NXN: variants seen among roughly 807,000 people sequenced by gnomAD.
NXN encodes the protein nucleoredoxin, also known as nucleoredoxin 1.
In NXN, 16 loss-of-function variants were observed where a neutral mutation model predicts 48.6. The ratio of observed to expected loss-of-function variants is 0.33; its 90% CI spans 0.22 to 0.50. The LOEUF (loss-of-function observed/expected upper bound fraction) is 0.50. Among genes scored for constraint, NXN ranks in the 20% least tolerant of loss-of-function variants. The pLI is 0.98. For missense variants in NXN, 492 were observed against 605.5 expected (o/e 0.81, Z 1.97); for synonymous variants, 281 against 269.6 (o/e 1.04, Z -0.41).
At chr17:816,924 G>A (rs1198438399) in intron 5 of NXN, among the ~76,000 whole-genome samples, 1 of 152,160 alleles carries the variant, frequency 6.6e-6, no homozygotes, top group South Asian at 2.1e-4. Flanking sequence ...GGCACCTTAA[G>A]TGTCTCTGCA....
intron 1 of NXN, among the ~76,000 whole-genome samples, chr17:876,202 AAG>A (rs1459825985): frequency 2.0e-5 from 3 of 151,600 alleles, no homozygotes; most frequent in Non-Finnish European, 4.4e-5. Flanking sequence ...AAAAAAAGAA[AAG>A]AAAGAAAAGA....
chr17:897,203 C>G (rs4125451), intron 1 of NXN, among the ~76,000 whole-genome samples: 29,215 of 152,142 alleles, frequency 0.19, 3,018 homozygotes, highest in Middle Eastern at 0.35. Flanking sequence ...AATGCTCTGT[C>G]CTGGGAAAGG....
intron 1 of NXN, among the ~76,000 whole-genome samples, chr17:957,300 C>A (rs925669373): frequency 6.6e-6 from 1 of 151,390 alleles, no homozygotes; most frequent in African/African-American, 2.4e-5. Context: ...AGCCAGGAAC[C>A]CCCCGGGATC....
chr17:940,010 T>A (rs931863045), intron 1 of NXN, among the ~76,000 whole-genome samples: 7 of 151,924 alleles, frequency 4.6e-5, no homozygotes. Context: ...CATGGCTCAC[T>A]GTAGCCTCAA....
At chr17:879,606 C>T (rs16956546) in intron 1 of NXN, among the ~76,000 whole-genome samples, 1,560 of 151,946 alleles carry the variant, frequency 0.01, 17 homozygotes, top group East Asian at 0.049. Context: ...GTTTTAAACC[C>T]GTGGAGCTAA....
In NXN at chr17:820,971, C is replaced by T. The variant is rs1419467585; in HGVS notation, c.713+1386G>A. On this transcript the variant is annotated intron_variant, in intron 4 of 7. Coordinates refer to ENST00000336868, the MANE Select transcript of NXN (RefSeq NM_022463.5). ...AAAAAACTGACTGCTGCACCTGGCA[C>T]GGCTTCACGCTGAGACGGGAGCTGT... is the stretch of plus-strand genomic sequence containing the variant. 2.8e-5 allele frequency among the ~76,000 whole-genome samples: 2 copies of T among 72,484 alleles called. 1 individual carries two copies. The highest frequency in any genetic ancestry group is 1.7e-4 in the African/African-American group (2 of 11,960). The allele number at this position is 72,484 out of a possible 152,430, so 47.6% of individuals were successfully genotyped here. A position where few individuals can be genotyped will look rare whatever the true frequency, so the allele number is the denominator to read the frequency against.
intron 1 of NXN, chr17:959,043 G>A (rs529008102): frequency 7.9e-5 from 21 of 266,594 alleles, no homozygotes; most frequent in South Asian, 2.2e-4. Context: ...CATGGTGGCC[G>A]CGGTGTGGTC....
At chr17:866,138 C>T (rs1262030893) in intron 1 of NXN, among the ~76,000 whole-genome samples, 2 of 151,898 alleles carry the variant, frequency 1.3e-5, no homozygotes, top group African/African-American at 4.8e-5. Context: ...GTTATTGCAA[C>T]AATTAAAGCA....
At chr17:913,395 C>G (rs2068655250) in intron 1 of NXN, among the ~76,000 whole-genome samples, 1 of 152,154 alleles carries the variant, frequency 6.6e-6, no homozygotes, top group South Asian at 2.1e-4. Flanking sequence ...GTCTGGGAAC[C>G]CTTTTTGCCT....
chr17:858,825 C>T (rs2068013530), intron 1 of NXN, among the ~76,000 whole-genome samples: 1 of 152,192 alleles, frequency 6.6e-6, no homozygotes, highest in Admixed American at 6.5e-5. Context: ...CAGCTATGAC[C>T]AGAGGAAACT....
At chr17:848,704 G>C (rs1405167464) in intron 1 of NXN, among the ~76,000 whole-genome samples, 1 of 152,206 alleles carries the variant, frequency 6.6e-6, no homozygotes, top group African/African-American at 2.4e-5. Flanking sequence ...CTCCTACTGA[G>C]AGACACAGGC....
intron 1 of NXN, among the ~76,000 whole-genome samples, chr17:950,242 C>G (rs1255453044): frequency 1.3e-5 from 2 of 152,104 alleles, no homozygotes; most frequent in Non-Finnish European, 2.9e-5. Flanking sequence ...GCCCCTTTCC[C>G]CTCCAGGCAG....
intron 1 of NXN, among the ~76,000 whole-genome samples, chr17:851,904 A>G (rs73975572): frequency 0.082 from 12,539 of 152,296 alleles, 753 homozygotes; most frequent in African/African-American, 0.17. Flanking sequence ...AAGGGAGATT[A>G]GCAAGTTTTC....
chr17:842,480 G>GA, intron 1 of NXN: 1 of 983,800 alleles, frequency 1.0e-6, no homozygotes, highest in South Asian at 4.7e-5. Context: ...GGTTACTGGG[G>GA]AGGATGAAGG....
At chr17:884,705 T>C (rs1448358672) in intron 1 of NXN, among the ~76,000 whole-genome samples, 1 of 152,124 alleles carries the variant, frequency 6.6e-6, no homozygotes, top group Non-Finnish European at 1.5e-5. Context: ...AGCAGGGAAG[T>C]GGAGTCTTGA....
At chr17:886,690 A>C (rs1371333899) in intron 1 of NXN, among the ~76,000 whole-genome samples, 1 of 152,000 alleles carries the variant, frequency 6.6e-6, no homozygotes, top group African/African-American at 2.4e-5. Flanking sequence ...AGGCAGGAGA[A>C]TCACTTCAAC....
intron 1 of NXN, among the ~76,000 whole-genome samples, chr17:869,260 C>T (rs1044440665): frequency 6.6e-6 from 1 of 152,144 alleles, no homozygotes; most frequent in East Asian, 1.9e-4. Flanking sequence ...AAGGCCAGAA[C>T]GAAAGGCCAG....
At chr17:972,065 C>G (rs1390159943) in intron 1 of NXN, among the ~76,000 whole-genome samples, 1 of 152,190 alleles carries the variant, frequency 6.6e-6, no homozygotes, top group Non-Finnish European at 1.5e-5. Flanking sequence ...CTTTGGGAGG[C>G]CAAGGCAGGC....
chr17:822,589 A>T (rs1440020210), intron 3 of NXN, 132 bp from the exon 4 acceptor site: 1 of 639,032 alleles, frequency 1.6e-6, no homozygotes, highest in Non-Finnish European at 2.8e-6. Flanking sequence ...AAAGGGGTGG[A>T]AATGAGATGG....
Sources: allele counts gnomAD v4.1 joint callset (sites outside exome capture counted in the v4.1 genomes callset), GRCh38; gene constraint gnomAD v4.1.1; transcripts MANE v1.5; gene names NCBI Gene and HGNC (gene_info 2026-07-23, HGNC 2026-07-21).